HS6ST2: variants seen among roughly 807,000 people sequenced by gnomAD.
HS6ST2 encodes heparan-sulfate 6-O-sulfotransferase 2.
Under a neutral mutation model 33.0 loss-of-function variants are expected in HS6ST2, and 17 were observed. The observed-to-expected ratio is 0.52, with a 90% CI of 0.35 to 0.77. The LOEUF is 0.77. HS6ST2 is among the 30% of genes least tolerant of loss of function. HS6ST2 has a pLI of 0.01. For synonymous variants in HS6ST2, 248 were observed against 237.1 expected (o/e 1.05, Z -0.42); for missense variants, 519 against 551.7 (o/e 0.94, Z 0.59).
chrX:132,776,431 A>T (rs1165505989), intron 2 of HS6ST2, among the ~76,000 whole-genome samples: 1 of 112,186 alleles, frequency 8.9e-6, no homozygotes, highest in Non-Finnish European at 1.9e-5. Flanking sequence ...AATCTGCAGA[A>T]TCTACCCTAT....
At chrX:132,860,293 C>G (rs2065898964) in intron 2 of HS6ST2, among the ~76,000 whole-genome samples, 1 of 111,795 alleles carries the variant, frequency 8.9e-6, no homozygotes. Flanking sequence ...TTTTCCAAGT[C>G]CAGGGCATTT....
chrX:132,900,953 C>G (rs1338602078), intron 2 of HS6ST2, among the ~76,000 whole-genome samples: 1 of 112,295 alleles, frequency 8.9e-6, no homozygotes, highest in South Asian at 3.7e-4. Context: ...CTCTTATTAT[C>G]TTTCACTTTC....
intron 2 of HS6ST2, among the ~76,000 whole-genome samples, chrX:132,903,312 G>T (rs777895365): frequency 1.8e-5 from 2 of 111,596 alleles, no homozygotes; most frequent in Non-Finnish European, 3.8e-5. Context: ...AAATAAATGG[G>T]AAAACATCCC....
At chrX:132,786,499 A>G (rs1056912543) in intron 2 of HS6ST2, among the ~76,000 whole-genome samples, 1 of 111,765 alleles carries the variant, frequency 8.9e-6, no homozygotes, top group Non-Finnish European at 1.9e-5. Context: ...TTAGTGGTGA[A>G]ACTGGCAATT....
intron 2 of HS6ST2, among the ~76,000 whole-genome samples, chrX:132,890,059 A>C (rs1374322519): frequency 8.9e-6 from 1 of 111,953 alleles, no homozygotes; most frequent in East Asian, 2.8e-4. Context: ...CCTGTTAAAG[A>C]GGACATATTG....
At chrX:132,735,047 C>T (rs1351599488) in intron 2 of HS6ST2, 2 of 111,347 alleles carry the variant, frequency 1.8e-5, no homozygotes, top group African/African-American at 6.5e-5. Context: ...ATGAGAATAA[C>T]AAAAATTAAA....
At chrX:132,841,393 C>T (rs1262227668) in intron 2 of HS6ST2, among the ~76,000 whole-genome samples, 1 of 111,592 alleles carries the variant, frequency 9.0e-6, no homozygotes, top group Non-Finnish European at 1.9e-5. Context: ...GTGAATCTCC[C>T]TACTGGGTAT....
intron 2 of HS6ST2, among the ~76,000 whole-genome samples, chrX:132,728,785 G>T (rs1285844413): frequency 8.9e-6 from 1 of 112,432 alleles, no homozygotes; most frequent in Non-Finnish European, 1.9e-5. Context: ...ATTCAACACT[G>T]GCTCCTGTCC....
chrX:132,652,993 G>T (rs751076554), intron 4 of HS6ST2, among the ~76,000 whole-genome samples: 1 of 111,338 alleles, frequency 9.0e-6, no homozygotes, highest in Non-Finnish European at 1.9e-5. Flanking sequence ...TTTGAAAAAT[G>T]TTGCAACAGT....
At chrX:132,739,955 A>C (rs1197549703) in intron 2 of HS6ST2, among the ~76,000 whole-genome samples, 4 of 111,483 alleles carry the variant, frequency 3.6e-5, no homozygotes, top group Admixed American at 9.6e-5. Flanking sequence ...TATAATAGGG[A>C]AAGTTAAGAT....
chrX:132,641,946 T>G (rs1020278727), intron 4 of HS6ST2, among the ~76,000 whole-genome samples: 8 of 112,087 alleles, frequency 7.1e-5, no homozygotes, highest in African/African-American at 2.6e-4. Context: ...ATTTTAGAGC[T>G]GAGGGGCCTG....
chrX:132,650,003 AT>A, intron 4 of HS6ST2, among the ~76,000 whole-genome samples: 1 of 111,966 alleles, frequency 8.9e-6, no homozygotes, highest in Admixed American at 9.5e-5. Context: ...GAAAGCATTT[AT>A]CAGTGGTTGG....
chrX:132,701,691 C>A (rs1028471603), intron 3 of HS6ST2, among the ~76,000 whole-genome samples: 1 of 111,825 alleles, frequency 8.9e-6, no homozygotes, highest in African/African-American at 3.2e-5. Flanking sequence ...TAACTCCTAC[C>A]TCAGTTCCTA....
chrX:132,925,477 G>T (rs1255715323), intron 2 of HS6ST2, among the ~76,000 whole-genome samples: 1 of 111,637 alleles, frequency 9.0e-6, no homozygotes, highest in Non-Finnish European at 1.9e-5. Context: ...AGACTTGTGG[G>T]ACTGAGCTCT....
chrX:132,914,833 T>G (rs902227422), intron 2 of HS6ST2, among the ~76,000 whole-genome samples: 1 of 112,824 alleles, frequency 8.9e-6, no homozygotes, highest in South Asian at 3.6e-4. Flanking sequence ...GTTGGTAGGG[T>G]TTATGCTTTC....
rs374009688 is a variant in HS6ST2 at position 132,957,215 on chromosome X, G to A, written c.540C>T (p.Leu180=). The A allele has an allele frequency of 5.7e-5, 69 of 1,208,787 alleles. No homozygotes were observed. Among genetic ancestry groups the A allele is most frequent in the Non-Finnish European group, 7.4e-5 (66 of 894,314 alleles). ...QYVCPGTECQ[L]LRLQAFSSPV... is the part of the protein sequence containing the mutation. ...GGGAGCTGAACGCCTGCAGGCGGAG[G>A]AGCTGGCATTCTGTGCCGGGGCACA... Residue 180 remains leucine (L), a synonymous_variant, in exon 2 of 5, where the codon CTC becomes CTT. Transcript: ENST00000370833.
chrX:132,871,193 T>C (rs2066053947), intron 2 of HS6ST2, among the ~76,000 whole-genome samples: 1 of 112,424 alleles, frequency 8.9e-6, no homozygotes, highest in Non-Finnish European at 1.9e-5. Context: ...TCAGTGGTCA[T>C]TAGAGAAATG....
At position 132,904,098 on chromosome X, in the gene HS6ST2, T is replaced by C. The variant is rs1289163965; in HGVS notation, c.947+52710A>G. On this transcript the variant is annotated intron_variant, in intron 2 of 4. Coordinates refer to ENST00000370833, the MANE Select transcript of HS6ST2 (RefSeq NM_001394073.1). ...TCTTCTTGCTGCTTGCTACCTAATA[T>C]AGCAATATTAAGTAGCAATAAATTA... Among the ~76,000 whole-genome samples the C allele has an allele frequency of 4.5e-5, 5 of 112,000 alleles. No homozygotes were observed. The East Asian group carries it at 1.1e-3, about 25-fold the overall frequency.
At chrX:132,704,340 AGGTCAGGAGT>A (rs2064170822) in intron 3 of HS6ST2, among the ~76,000 whole-genome samples, 1 of 112,251 alleles carries the variant, frequency 8.9e-6, no homozygotes, top group Non-Finnish European at 1.9e-5. Flanking sequence ...GGATCACCTG[AGGTCAGGAGT>A]CCAAGACCAG....
Sources: gnomAD v4.1 joint callset for allele counts (sites outside exome capture counted in the v4.1 genomes callset) on GRCh38, gnomAD v4.1.1 for gene constraint, MANE v1.5 for transcripts, NCBI Gene and HGNC (gene_info 2026-07-23, HGNC 2026-07-21) for gene names.